GRIP1: variants seen among roughly 807,000 people sequenced by gnomAD.
GRIP1 encodes the protein glutamate receptor-interacting protein 1.
Under a neutral mutation model 129.9 loss-of-function variants are expected in GRIP1, and 45 were observed. The ratio of observed to expected loss-of-function variants is 0.35; its 90% CI spans 0.27 to 0.44. The LOEUF is 0.44. GRIP1 is among the 20% of genes least tolerant of loss of function. GRIP1 has a pLI of 1.00. For synonymous variants in GRIP1, 530 were observed against 520.8 expected (o/e 1.02, Z -0.24); for missense variants, 1,196 against 1,396.8 (o/e 0.86, Z 2.29).
At chr12:67,028,971 T>C (rs2042979778) in intron 1 of GRIP1, among the ~76,000 whole-genome samples, 1 of 152,122 alleles carries the variant, frequency 6.6e-6, no homozygotes, top group Admixed American at 6.6e-5. Flanking sequence ...TATAATTTTA[T>C]AAACATGAAG....
rs755927228 is a variant in GRIP1, at chr12:66,529,897, C to G, written c.436G>C (p.Val146Leu). 3.1e-6 allele frequency: 5 copies of G among 1,594,626 alleles called. No homozygotes were observed. In the South Asian group the frequency reaches 5.5e-5, roughly 18 times the overall value. ...GTGACCTCCACTGTTCGGAAAATAA[C>G]ACTTGATCCTTGCACAGCTGAATAA... is the stretch of plus-strand genomic sequence containing the variant. ...LPPVSVQGSS[V>L]IFRTVEVTLH... The change falls in exon 5 of 25, where the codon GTT becomes CTT. Residue 146 changes from valine (V) to leucine (L), a missense_variant. Val to Leu is a conservative substitution (Grantham distance 32, BLOSUM62 1). This residue lies in a region of GRIP1 where 217 missense variants were observed against 224.8 expected (regional missense o/e 0.97). Transcript: ENST00000359742.
chr12:67,028,729 A>C (rs947668867), intron 1 of GRIP1, among the ~76,000 whole-genome samples: 12 of 152,332 alleles, frequency 7.9e-5, no homozygotes, highest in Middle Eastern at 3.4e-3. Context: ...GACAGCAAGG[A>C]GTACTCAGGG....
chr12:66,639,423 C>T (rs1176790171), intron 1 of GRIP1, among the ~76,000 whole-genome samples: 1 of 152,090 alleles, frequency 6.6e-6, no homozygotes, highest in African/African-American at 2.4e-5. Flanking sequence ...TGAAAGCACA[C>T]AGCATAGAAC....
At chr12:66,947,851 T>TA in intron 1 of GRIP1, among the ~76,000 whole-genome samples, 1 of 152,346 alleles carries the variant, frequency 6.6e-6, no homozygotes, top group South Asian at 2.1e-4. Context: ...ACAGGCTCTT[T>TA]AAGCAACATT....
At chr12:67,027,019 C>T (rs2042951180) in intron 1 of GRIP1, among the ~76,000 whole-genome samples, 1 of 152,138 alleles carries the variant, frequency 6.6e-6, no homozygotes. Flanking sequence ...ACCTCCAGGG[C>T]TCAAGTGATC....
chr12:66,939,345 TCAAAAA>T (rs2041546058), intron 1 of GRIP1, among the ~76,000 whole-genome samples: 3 of 144,856 alleles, frequency 2.1e-5, no homozygotes, highest in Admixed American at 1.4e-4. Flanking sequence ...AGACCCTGTC[TCAAAAA>T]CAAAAACAGT....
At chr12:66,763,159 C>T (rs1478941702) in intron 1 of GRIP1, among the ~76,000 whole-genome samples, 2 of 152,068 alleles carry the variant, frequency 1.3e-5, no homozygotes, top group Non-Finnish European at 2.9e-5. Flanking sequence ...CTAAGCTAAT[C>T]CTTGCTGTCC....
intron 1 of GRIP1, among the ~76,000 whole-genome samples, chr12:66,875,585 G>T (rs1405183637): frequency 6.6e-6 from 1 of 152,004 alleles, no homozygotes; most frequent in Admixed American, 6.6e-5. Context: ...CCAGAATTTT[G>T]CTTGTATGTA....
chr12:66,869,572 T>C (rs1490474020), intron 1 of GRIP1, among the ~76,000 whole-genome samples: 1 of 152,080 alleles, frequency 6.6e-6, no homozygotes, highest in East Asian at 1.9e-4. Context: ...TATTCCAGAC[T>C]GTGGGTAAGT....
At chr12:66,473,328 C>T (rs976670185) in intron 7 of GRIP1, among the ~76,000 whole-genome samples, 11 of 152,230 alleles carry the variant, frequency 7.2e-5, no homozygotes, top group African/African-American at 2.7e-4. Context: ...CAGCCCCAGT[C>T]AGGAGCTTAG....
At position 66,576,777 on chromosome 12, in the gene GRIP1, A is replaced by G. The variant is rs577063933; in HGVS notation, c.136+20070T>C. ...CAGAATATAAGAGAAATAAATGTGC[A>G]GACAATTGAATGGAGAGTACAGAGT... On this transcript the variant is annotated intron_variant, in intron 2 of 24. Transcript: ENST00000359742. Among the ~76,000 whole-genome samples, 7 of 152,376 alleles carry G rather than the reference A, an allele frequency of 4.6e-5. No homozygotes were observed. The South Asian group carries it at 1.5e-3, about 32-fold the overall frequency.
intron 1 of GRIP1, among the ~76,000 whole-genome samples, chr12:66,781,346 T>C (rs2038153169): frequency 6.6e-6 from 1 of 152,184 alleles, no homozygotes. Context: ...AATGAAGCAG[T>C]GAGGCTTATT....
chr12:66,780,614 C>T (rs2038126478), intron 1 of GRIP1, among the ~76,000 whole-genome samples: 1 of 152,142 alleles, frequency 6.6e-6, no homozygotes, highest in African/African-American at 2.4e-5. Context: ...CACAATGTCT[C>T]CCATGTACTG....
chr12:66,963,354 T>C (rs1457562814), intron 1 of GRIP1, among the ~76,000 whole-genome samples: 1 of 152,120 alleles, frequency 6.6e-6, no homozygotes, highest in Non-Finnish European at 1.5e-5. Context: ...TTAAACTTAA[T>C]AATTAAAAAT....
At chr12:66,794,330 T>C (rs138449774) in intron 1 of GRIP1, among the ~76,000 whole-genome samples, 73 of 152,284 alleles carry the variant, frequency 4.8e-4, no homozygotes, top group African/African-American at 1.3e-3. Context: ...GAAACATCTA[T>C]AGATGGTCCA....
intron 2 of GRIP1, among the ~76,000 whole-genome samples, chr12:66,550,179 A>C (rs1048549722): frequency 6.6e-6 from 1 of 152,234 alleles, no homozygotes; most frequent in Non-Finnish European, 1.5e-5. Flanking sequence ...TGTCAAACTT[A>C]TTAACAAGTT....
chr12:66,407,932 A>C (rs1009783872), intron 15 of GRIP1, among the ~76,000 whole-genome samples: 2 of 152,166 alleles, frequency 1.3e-5, no homozygotes, highest in Non-Finnish European at 2.9e-5. Context: ...ACTCCCAGAG[A>C]GAGTCCTTCA....
At chr12:66,993,177 C>T in intron 1 of GRIP1, among the ~76,000 whole-genome samples, 1 of 150,366 alleles carries the variant, frequency 6.7e-6, no homozygotes, top group East Asian at 1.9e-4. Flanking sequence ...TTAAAATATA[C>T]CAAAAACTAT....
chr12:66,848,483 G>A (rs17780134), intron 1 of GRIP1, among the ~76,000 whole-genome samples: 41,398 of 151,918 alleles, frequency 0.27, 6,836 homozygotes, highest in Non-Finnish European at 0.37. Flanking sequence ...AACCCAGCAT[G>A]GAAAATCTAT....
Sources: allele counts gnomAD v4.1 joint callset (sites outside exome capture counted in the v4.1 genomes callset), GRCh38; gene constraint gnomAD v4.1.1; regional missense constraint gnomAD v4.1.1; transcripts MANE v1.5; gene names NCBI Gene and HGNC (gene_info 2026-07-23, HGNC 2026-07-21).